Variants in TMEM192 observed in about 807,000 individuals in gnomAD.
TMEM192 encodes the protein transmembrane protein 192.
Under a neutral mutation model 26.7 loss-of-function variants are expected in TMEM192, and 20 were observed. That is an observed-to-expected ratio of 0.75 (90% CI 0.53 to 1.09). TMEM192 has a LOEUF of 1.09. Among genes scored for constraint, TMEM192 ranks in the 50% least tolerant of loss-of-function variants. TMEM192 has a pLI of 0.00. For synonymous variants in TMEM192, 124 were observed against 121.0 expected, an observed-to-expected ratio of 1.02 and a Z score of -0.16; for missense variants, 304 against 322.6, an observed-to-expected ratio of 0.94 and a Z score of 0.44.
In TMEM192 at chr4:165,078,851, G is replaced by C. The variant is rs1219070661; in HGVS notation, c.*807C>G. 4 of 152,184 alleles carry C rather than the reference G, an allele frequency of 2.6e-5. No individual in the cohort carries two copies. Among genetic ancestry groups the C allele is most frequent in the African/African-American group, 9.7e-5 (4 of 41,440 alleles). 9.4% of individuals were successfully genotyped at this position (152,184 alleles called of 1,614,324 possible). A position where few individuals can be genotyped will look rare whatever the true frequency, so the allele number is the denominator to read the frequency against. On this transcript the variant is annotated 3_prime_UTR_variant, in exon 6 of 6. Coordinates refer to ENST00000306480, the MANE Select transcript of TMEM192 (RefSeq NM_001100389.2). ...GTCGCCCAGGCTGGAGTGCAGTGGC[G>C]TGATCTCGGCTCACTGCAAGCTCCG... is the stretch of plus-strand genomic sequence containing the variant.
intron 3 of TMEM192, among the ~76,000 whole-genome samples, chr4:165,095,771 G>C (rs1734879435): frequency 6.6e-6 from 1 of 151,740 alleles, no homozygotes; most frequent in Non-Finnish European, 1.5e-5. Flanking sequence ...AATAATACTT[G>C]ATTTTTAAAA....
chr4:165,093,095 TTC>T (rs1491574806), intron 3 of TMEM192, among the ~76,000 whole-genome samples: 3 of 72,636 alleles, frequency 4.1e-5, no homozygotes, highest in Non-Finnish European at 9.1e-5. Context: ...TTTTTTTTTC[TTC>T]TTTTTTTTTT....
At position 165,083,867 on chromosome 4, in the gene TMEM192, GC is replaced by G. The variant is rs1383881389; in HGVS notation, c.677+1718del. Among the ~76,000 whole-genome samples the G allele has an allele frequency of 3.5e-5, 2 of 56,592 alleles. 1 individual carries two copies. The highest frequency in any genetic ancestry group is 9.6e-5 in the Non-Finnish European group (2 of 20,860). The allele number at this position is 56,592 out of a possible 152,430, so 37.1% of individuals were successfully genotyped here. On this transcript the variant is annotated intron_variant, in intron 5 of 5. Coordinates refer to ENST00000306480, the MANE Select transcript of TMEM192 (RefSeq NM_001100389.2). Reference sequence around the variant, plus strand: ...GACAGAGTCTTGCTCTGTTATCCAGGCTGGAGTGCAGTGGCGCAATCTTAGC... The same window carrying G: ...GACAGAGTCTTGCTCTGTTATCCAGGTGGAGTGCAGTGGCGCAATCTTAGC...
intron 3 of TMEM192, among the ~76,000 whole-genome samples, chr4:165,091,107 T>G (rs1175725141): frequency 6.6e-6 from 1 of 151,034 alleles, no homozygotes; most frequent in African/African-American, 2.4e-5. Flanking sequence ...CTACTAAAAA[T>G]ACGAAAAAAA....
chr4:165,089,702 G>A (rs892758235), intron 3 of TMEM192, among the ~76,000 whole-genome samples: 3 of 152,054 alleles, frequency 2.0e-5, no homozygotes, highest in African/African-American at 7.2e-5. Context: ...GGGAAGAAGA[G>A]TTCTGGTTTC....
At position 165,079,653 on chromosome 4, in the gene TMEM192, G is replaced by A; in HGVS notation, c.*5C>T. The A allele has an allele frequency of 6.2e-7, 1 of 1,607,162 alleles. No individual in the cohort carries two copies. The highest frequency in any genetic ancestry group is 8.5e-7 in the Non-Finnish European group (1 of 1,176,356). ...TCTGCAATTGCTGTCATGACCGTGA[G>A]CCTCTCACGTTCTACTTGGCTGACA... On this transcript the variant is annotated 3_prime_UTR_variant, in exon 6 of 6. Transcript: ENST00000306480.
At chr4:165,111,398 G>T (rs567723589) in intron 1 of TMEM192, among the ~76,000 whole-genome samples, 4 of 152,142 alleles carry the variant, frequency 2.6e-5, no homozygotes, top group Admixed American at 6.5e-5. Context: ...CCATCCCCAG[G>T]CTCCAGTGTT....
intron 3 of TMEM192, among the ~76,000 whole-genome samples, chr4:165,091,032 G>A (rs1488837246): frequency 1.3e-5 from 2 of 151,710 alleles, no homozygotes; most frequent in East Asian, 1.9e-4. Flanking sequence ...TTGGGAGGAT[G>A]AGGCGGGCGG....
chr4:165,101,400 C>T (rs1192867946), intron 2 of TMEM192, among the ~76,000 whole-genome samples: 2 of 145,898 alleles, frequency 1.4e-5, no homozygotes, highest in East Asian at 4.2e-4. Flanking sequence ...ACGGTCTTGC[C>T]CTGTTGCCCA....
rs1019239048 is a variant in TMEM192 at position 165,112,841 on chromosome 4, C to G, written c.-68G>C. ...CCACCTGGACCTGTAAGCCTCTGGC[C>G]GCGAAACTCGCCACCTTCTGGGACC... is the stretch of plus-strand genomic sequence containing the variant. On this transcript the variant is annotated 5_prime_UTR_variant, in exon 1 of 6. Coordinates refer to ENST00000306480, the MANE Select transcript of TMEM192 (RefSeq NM_001100389.2). The G allele has an allele frequency of 1.0e-5, 16 of 1,567,530 alleles. No individual in the cohort carries two copies. In the Admixed American group the frequency reaches 2.1e-4, roughly 21 times the overall value.
intron 3 of TMEM192, among the ~76,000 whole-genome samples, chr4:165,096,308 G>A: frequency 6.6e-6 from 1 of 151,906 alleles, no homozygotes. Context: ...GAGAGGCTGA[G>A]GCAGGAGAAT....
intron 3 of TMEM192, among the ~76,000 whole-genome samples, chr4:165,097,024 C>T (rs1274485477): frequency 1.3e-5 from 2 of 151,890 alleles, no homozygotes; most frequent in African/African-American, 4.8e-5. Context: ...TGCACATCAA[C>T]AGTTGAACAT....
chr4:165,084,700 G>C (rs1379054784), intron 5 of TMEM192, among the ~76,000 whole-genome samples: 1 of 151,258 alleles, frequency 6.6e-6, no homozygotes, highest in Admixed American at 6.6e-5. Flanking sequence ...CTTGAGGTCA[G>C]GAGTTTGAGA....
chr4:165,108,109 TC>T lies in TMEM192; in HGVS notation c.27+4637del, dbSNP rs1735209177. The stretch of plus-strand genomic sequence containing the variant: ...TGTGGGTGCTGGGTATTTTCTGTAT[TC>T]CCTTTTTTTTTTTTTTTTTTTTTTT... On this transcript the variant is annotated intron_variant, in intron 1 of 5. Coordinates refer to ENST00000306480, the MANE Select transcript of TMEM192 (RefSeq NM_001100389.2). 4.4e-4 allele frequency among the ~76,000 whole-genome samples: 60 copies of T among 136,452 alleles called. 3 individuals are homozygous for T. Among genetic ancestry groups the T allele is most frequent in the South Asian group, 2.3e-4 (1 of 4,286 alleles). 89.5% of individuals were successfully genotyped at this position (136,452 alleles called of 152,430 possible).
intron 3 of TMEM192, among the ~76,000 whole-genome samples, chr4:165,090,000 T>C (rs1197944354): frequency 1.3e-5 from 2 of 151,738 alleles, no homozygotes; most frequent in Non-Finnish European, 2.9e-5. Flanking sequence ...TCACCTGAGG[T>C]TGCGAGTTCG....
chr4:165,081,075 A>C (rs568866431), intron 5 of TMEM192, among the ~76,000 whole-genome samples: 1 of 152,266 alleles, frequency 6.6e-6, no homozygotes, highest in East Asian at 1.9e-4. Flanking sequence ...ATTATTTATA[A>C]GTATATTCGG....
chr4:165,088,916 C>A (rs558173232), intron 3 of TMEM192, among the ~76,000 whole-genome samples: 11 of 151,856 alleles, frequency 7.2e-5, no homozygotes, highest in African/African-American at 2.2e-4. Flanking sequence ...TGGCACACAT[C>A]TGTAGTTCCA....
intron 1 of TMEM192, among the ~76,000 whole-genome samples, chr4:165,105,658 T>C (rs887631491): frequency 3.3e-5 from 5 of 152,178 alleles, no homozygotes; most frequent in Non-Finnish European, 7.3e-5. Flanking sequence ...TTTTAATATT[T>C]TTTAAATTTT....
chr4:165,108,853 C>G (rs900813904), intron 1 of TMEM192, among the ~76,000 whole-genome samples: 1 of 152,164 alleles, frequency 6.6e-6, no homozygotes, highest in Non-Finnish European at 1.5e-5. Flanking sequence ...CCTAGACCCT[C>G]AACTCCATCT....
Sources: allele counts gnomAD v4.1 joint callset (sites outside exome capture counted in the v4.1 genomes callset), GRCh38; gene constraint gnomAD v4.1.1; transcripts MANE v1.5; gene names NCBI Gene and HGNC (gene_info 2026-07-23, HGNC 2026-07-21).